The following ADARB2 variants were observed in gnomAD, a reference collection of about 807,000 sequenced individuals.
ADARB2 encodes adenosine deaminase RNA specific B2 (inactive).
ADARB2 carries 25 observed loss-of-function variants against 62.2 expected under a neutral mutation model. The observed-to-expected ratio is 0.40, with a 90% CI of 0.29 to 0.56. The LOEUF (loss-of-function observed/expected upper bound fraction) is 0.56. Among genes scored for constraint, ADARB2 ranks in the 20% least tolerant of loss-of-function variants. The pLI is 0.43. For synonymous variants in ADARB2, 572 were observed against 500.8 expected (o/e 1.14, Z -1.90); for missense variants, 1,071 against 1,077.4 (o/e 0.99, Z 0.08).
chr10:1,303,835 G>T (rs1234326704), intron 3 of ADARB2, among the ~76,000 whole-genome samples: 1 of 151,528 alleles, frequency 6.6e-6, no homozygotes, highest in Non-Finnish European at 1.5e-5. Context: ...GAGAGATTTT[G>T]TCACCACCAG....
chr10:1,604,005 A>G (rs1024144297), intron 1 of ADARB2, among the ~76,000 whole-genome samples: 7 of 152,076 alleles, frequency 4.6e-5, no homozygotes, highest in Admixed American at 3.9e-4. Flanking sequence ...GGGTTTCACT[A>G]TGTTGGCCAG....
chr10:1,651,105 T>A (rs554437769), intron 1 of ADARB2, among the ~76,000 whole-genome samples: 1 of 152,316 alleles, frequency 6.6e-6, no homozygotes, highest in Non-Finnish European at 1.5e-5. Context: ...GCTTTGGGGA[T>A]GGGAGTGCCA....
chr10:1,639,557 A>G (rs1224553988), intron 1 of ADARB2, among the ~76,000 whole-genome samples: 3 of 152,230 alleles, frequency 2.0e-5, no homozygotes, highest in African/African-American at 7.2e-5. Context: ...TATAAAACAC[A>G]AAGAGGGCCG....
chr10:1,480,463 C>G (rs1831452689), intron 1 of ADARB2, among the ~76,000 whole-genome samples: 1 of 152,152 alleles, frequency 6.6e-6, no homozygotes, highest in Non-Finnish European at 1.5e-5. Flanking sequence ...CTTTGGGAGG[C>G]CAAGGCGGGC....
intron 3 of ADARB2, among the ~76,000 whole-genome samples, chr10:1,349,898 T>G (rs1832118512): frequency 1.3e-5 from 2 of 152,130 alleles, no homozygotes; most frequent in African/African-American, 4.8e-5. Context: ...AGGTCAATTG[T>G]GGGGACGCCT....
chr10:1,675,227 T>A (rs74810860), intron 1 of ADARB2: 2 of 978,720 alleles, frequency 2.0e-6, no homozygotes, highest in East Asian at 1.2e-4. Context: ...GATGCATGGA[T>A]GTTCTGGAGG....
intron 1 of ADARB2, among the ~76,000 whole-genome samples, chr10:1,393,078 A>G (rs1832583933): frequency 6.6e-6 from 1 of 152,216 alleles, no homozygotes; most frequent in South Asian, 2.1e-4. Context: ...GCATGTAGAA[A>G]CATCACTTCC....
intron 8 of ADARB2, among the ~76,000 whole-genome samples, chr10:1,189,432 T>C (rs1836806925): frequency 6.6e-6 from 1 of 152,048 alleles, no homozygotes; most frequent in Non-Finnish European, 1.5e-5. Flanking sequence ...CTGGATTGCA[T>C]TGCTAGCGGT....
chr10:1,602,781 A>G (rs752851582), intron 1 of ADARB2, among the ~76,000 whole-genome samples: 2 of 151,528 alleles, frequency 1.3e-5, no homozygotes, highest in African/African-American at 4.9e-5. Flanking sequence ...ACATCCACAT[A>G]CATCCACACA....
chr10:1,313,382 A>G (rs1266735409), intron 3 of ADARB2, among the ~76,000 whole-genome samples: 1 of 152,232 alleles, frequency 6.6e-6, no homozygotes, highest in Non-Finnish European at 1.5e-5. Context: ...AGTGGATGAC[A>G]GATGGCAGAA....
chr10:1,350,363 C>A (rs1231007902), intron 3 of ADARB2, among the ~76,000 whole-genome samples: 2 of 152,100 alleles, frequency 1.3e-5, no homozygotes, highest in African/African-American at 4.8e-5. Flanking sequence ...TCTACAGACC[C>A]ATCTGACCCC....
chr10:1,250,399 G>A (rs1831025953), intron 4 of ADARB2, among the ~76,000 whole-genome samples: 1 of 152,036 alleles, frequency 6.6e-6, no homozygotes. Context: ...GTGAGTTCTT[G>A]CTCTGGCAAG....
intron 1 of ADARB2, among the ~76,000 whole-genome samples, chr10:1,643,914 G>A (rs1254288450): frequency 2.0e-5 from 3 of 152,126 alleles, no homozygotes; most frequent in Non-Finnish European, 4.4e-5. Context: ...GCTACATTAG[G>A]TCAGTAATGT....
At chr10:1,694,028 A>C (rs1834706217) in intron 1 of ADARB2, among the ~76,000 whole-genome samples, 1 of 152,204 alleles carries the variant, frequency 6.6e-6, no homozygotes, top group Admixed American at 6.5e-5. Context: ...TAAAACTTAA[A>C]TCTTTCTCTA....
At chr10:1,691,088 G>C (rs1834666773) in intron 1 of ADARB2, among the ~76,000 whole-genome samples, 1 of 152,160 alleles carries the variant, frequency 6.6e-6, no homozygotes, top group African/African-American at 2.4e-5. Context: ...AGAAGGGACT[G>C]TATTTGGACA....
At chr10:1,326,824 C>CA (rs1491100342) in intron 3 of ADARB2, among the ~76,000 whole-genome samples, 3 of 118,140 alleles carry the variant, frequency 2.5e-5, no homozygotes, top group Non-Finnish European at 5.6e-5. Context: ...CTCCCCACGG[C>CA]CCAGCGCCTC....
intron 3 of ADARB2, among the ~76,000 whole-genome samples, chr10:1,312,523 A>G (rs1831701488): frequency 1.3e-5 from 2 of 152,284 alleles, no homozygotes; most frequent in Middle Eastern, 6.8e-3. Flanking sequence ...CTGATTTCTC[A>G]TTTCTGGAGT....
intron 1 of ADARB2, among the ~76,000 whole-genome samples, chr10:1,541,434 G>A (rs200753001): frequency 5.9e-4 from 15 of 25,616 alleles, no homozygotes; most frequent in Admixed American, 9.8e-4. Context: ...GACGCAGTTC[G>A]GACCCTGGAT....
chr10:1,628,720 T>C (rs905550072), intron 1 of ADARB2, among the ~76,000 whole-genome samples: 1 of 152,250 alleles, frequency 6.6e-6, no homozygotes, highest in African/African-American at 2.4e-5. Flanking sequence ...ATGAAATCCT[T>C]CTTTTCAGCG....
Sources: gnomAD v4.1 joint callset for allele counts (sites outside exome capture counted in the v4.1 genomes callset) on GRCh38, gnomAD v4.1.1 for gene constraint, MANE v1.5 for transcripts, NCBI Gene and HGNC (gene_info 2026-07-23, HGNC 2026-07-21) for gene names.